SCRG1: variants seen among roughly 807,000 people sequenced by gnomAD.
SCRG1 encodes the protein scrapie-responsive protein 1.
In SCRG1, 3 loss-of-function variants were observed where a neutral mutation model predicts 7.7. The observed-to-expected ratio is 0.39, with a 90% confidence interval of 0.18 to 1.01. The LOEUF (loss-of-function observed/expected upper bound fraction) is 1.01. SCRG1 is among the 50% of genes least tolerant of loss of function. The probability of loss-of-function intolerance (pLI) is 0.36; values close to 1 mark genes in which losing one functional copy is unlikely to be tolerated. For synonymous variants in SCRG1, 46 were observed against 41.2 expected (o/e 1.12, Z -0.44); for missense variants, 110 against 117.2 (o/e 0.94, Z 0.28).
At chr4:173,479,435 G>GTTTTTTTTTTTTTTTTTT in the SCRG1 span, among the ~76,000 whole-genome samples, 26 of 125,950 alleles carry the variant, frequency 2.1e-4, 1 homozygote, top group East Asian at 1.0e-3. Context: ...TTGTTTGTTT[G>GTTTTTTTTTTTTTTTTTT]TTTTTTTGTT....
chr4:173,419,420 T>C, the SCRG1 span: 15 of 1,186,582 alleles, frequency 1.3e-5, no homozygotes, highest in East Asian at 2.4e-5. Context: ...AGCTTTCTTA[T>C]ACATCTCCTC....
the SCRG1 span, among the ~76,000 whole-genome samples, chr4:173,505,613 C>T: frequency 1.3e-5 from 2 of 152,170 alleles, no homozygotes; most frequent in Non-Finnish European, 2.9e-5. The surrounding 1 kb of genome is among the most constrained non-coding windows in gnomAD (Gnocchi z 4.4). Context: ...GCCACAGGCC[C>T]GAACACTCCT....
chr4:173,509,737 G>C, the SCRG1 span, among the ~76,000 whole-genome samples: 1 of 152,152 alleles, frequency 6.6e-6, no homozygotes, highest in Non-Finnish European at 1.5e-5. The surrounding 1 kb of genome is among the most constrained non-coding windows in gnomAD (Gnocchi z 5.7). Context: ...GGCCCTTCTC[G>C]GGGGAGATAT....
intron 1 of SCRG1, among the ~76,000 whole-genome samples, chr4:173,396,825 C>T (rs1026934543): frequency 1.3e-5 from 2 of 151,270 alleles, no homozygotes; most frequent in Non-Finnish European, 2.9e-5. Flanking sequence ...GAGGCCGAGG[C>T]GGGCAGATCA....
the SCRG1 span, among the ~76,000 whole-genome samples, chr4:173,434,763 G>A: frequency 9.2e-5 from 14 of 152,142 alleles, no homozygotes; most frequent in African/African-American, 3.1e-4. Context: ...CCTGGGAGGC[G>A]GAGGTTGCAG....
chr4:173,466,081 G>A, the SCRG1 span, among the ~76,000 whole-genome samples: 1 of 152,042 alleles, frequency 6.6e-6, no homozygotes, highest in Admixed American at 6.6e-5. Flanking sequence ...GTACAAAATG[G>A]CCAGTCTGAA....
the SCRG1 span, among the ~76,000 whole-genome samples, chr4:173,517,547 A>G: frequency 6.6e-6 from 1 of 152,156 alleles, no homozygotes; most frequent in Non-Finnish European, 1.5e-5. Flanking sequence ...ATGGTGTCCC[A>G]GGACTGCAAG....
the SCRG1 span, among the ~76,000 whole-genome samples, chr4:173,512,851 TC>T: frequency 2.6e-5 from 4 of 152,224 alleles, no homozygotes; most frequent in Non-Finnish European, 4.4e-5. Context: ...GAAGGTGTCA[TC>T]CGCTCTTGTA....
the SCRG1 span, chr4:173,470,165 G>A: frequency 1.7e-5 from 2 of 117,330 alleles, no homozygotes; most frequent in Non-Finnish European, 1.7e-5. Flanking sequence ...GTCGGGATGT[G>A]TTGTTTTTGT....
At chr4:173,480,230 T>C in the SCRG1 span, among the ~76,000 whole-genome samples, 1 of 152,116 alleles carries the variant, frequency 6.6e-6, no homozygotes, top group African/African-American at 2.4e-5. Flanking sequence ...GTGTAGGCTA[T>C]ACAGAGGATG....
the SCRG1 span, among the ~76,000 whole-genome samples, chr4:173,413,715 G>A: frequency 2.6e-5 from 4 of 152,226 alleles, no homozygotes; most frequent in African/African-American, 9.6e-5. Context: ...GAGTGGATGT[G>A]TGGCAGCTAG....
At chr4:173,399,465 A>AGTTGTGT (rs1553964795), upstream of SCRG1, 6 of 84,154 alleles carry the variant, frequency 7.1e-5, no homozygotes, top group African/African-American at 2.3e-4. Flanking sequence ...CCTTAAGAAA[A>AGTTGTGT]GTGTGTGTGT....
the SCRG1 span, among the ~76,000 whole-genome samples, chr4:173,478,899 T>G: frequency 6.6e-6 from 1 of 152,190 alleles, no homozygotes; most frequent in South Asian, 2.1e-4. Flanking sequence ...CCATGTTTGG[T>G]TACTGGTGTG....
the SCRG1 span, among the ~76,000 whole-genome samples, chr4:173,479,436 TTTTTTTG>T: frequency 8.0e-6 from 1 of 124,296 alleles, no homozygotes; most frequent in East Asian, 3.1e-4. Flanking sequence ...TGTTTGTTTG[TTTTTTTG>T]TTTTTTTTTT....
At chr4:173,496,211 A>G in the SCRG1 span, among the ~76,000 whole-genome samples, 1 of 152,194 alleles carries the variant, frequency 6.6e-6, no homozygotes, top group Non-Finnish European at 1.5e-5. Flanking sequence ...TTTGCATTAA[A>G]GATCGGTCCA....
At chr4:173,413,247 G>T in the SCRG1 span, among the ~76,000 whole-genome samples, 1 of 152,240 alleles carries the variant, frequency 6.6e-6, no homozygotes, top group East Asian at 1.9e-4. Flanking sequence ...GCAAAGCAGA[G>T]TTGTTAGGAG....
At chr4:173,447,584 A>T in the SCRG1 span, among the ~76,000 whole-genome samples, 1 of 152,240 alleles carries the variant, frequency 6.6e-6, no homozygotes, top group Non-Finnish European at 1.5e-5. Flanking sequence ...GGCTTAACAA[A>T]CTACCACATT....
At chr4:173,420,216 C>T in the SCRG1 span, 1 of 340,490 alleles carries the variant, frequency 2.9e-6, no homozygotes, top group South Asian at 2.6e-5. Context: ...GGGCCCTTTT[C>T]TGTACTTTTG....
chr4:173,501,350 T>C, the SCRG1 span, among the ~76,000 whole-genome samples: 1 of 152,206 alleles, frequency 6.6e-6, no homozygotes, highest in Non-Finnish European at 1.5e-5. This position sits in a 1 kb window ranked among gnomAD's most constrained non-coding sequence, Gnocchi z 5.1. Flanking sequence ...TTCAAGCACT[T>C]CTGCGTTTGC....
Sources: allele counts gnomAD v4.1 joint callset (sites outside exome capture counted in the v4.1 genomes callset), GRCh38; gene constraint gnomAD v4.1.1; non-coding constraint Gnocchi (gnomAD v3.1); transcripts MANE v1.5; gene names NCBI Gene and HGNC (gene_info 2026-07-23, HGNC 2026-07-21).